GRIK1: variants seen among roughly 807,000 people sequenced by gnomAD.
The protein encoded by GRIK1 is glutamate receptor ionotropic, kainate 1.
GRIK1 carries 69 observed loss-of-function variants against 105.7 expected under a neutral mutation model. The ratio of observed to expected loss-of-function variants is 0.65; its 90% CI spans 0.54 to 0.80. The LOEUF is 0.80. Among genes scored for constraint, GRIK1 ranks in the 30% least tolerant of loss-of-function variants. The probability of loss-of-function intolerance (pLI) is 0.00; values close to 1 mark genes in which losing one functional copy is unlikely to be tolerated. For synonymous variants in GRIK1, 438 were observed against 431.3 expected (o/e 1.02, Z -0.19); for missense variants, 1,109 against 1,167.3 (o/e 0.95, Z 0.73).
chr21:29,681,951 C>A (rs2063387529), intron 3 of GRIK1, among the ~76,000 whole-genome samples: 2 of 152,190 alleles, frequency 1.3e-5, no homozygotes, highest in Admixed American at 1.3e-4. Flanking sequence ...AGCAATTTAT[C>A]CAAAGTTGGG....
At chr21:29,590,172 GTCAT>G (rs1411066963) in intron 10 of GRIK1, among the ~76,000 whole-genome samples, 7 of 152,164 alleles carry the variant, frequency 4.6e-5, no homozygotes, top group African/African-American at 1.4e-4. Context: ...TGATAATGGG[GTCAT>G]TCAAACACAG....
intron 1 of GRIK1, among the ~76,000 whole-genome samples, chr21:29,867,171 A>G (rs941353201): frequency 1.3e-5 from 2 of 152,174 alleles, no homozygotes; most frequent in African/African-American, 4.8e-5. Context: ...TAGAATTTAG[A>G]AGCATTGAAG....
chr21:29,582,016 G>C (rs1168218995), intron 12 of GRIK1, among the ~76,000 whole-genome samples: 1 of 152,170 alleles, frequency 6.6e-6, no homozygotes, highest in Non-Finnish European at 1.5e-5. Context: ...GGTTTGTATG[G>C]ACAGATGGTT....
At chr21:29,698,250 G>C (rs1468416521) in intron 1 of GRIK1, among the ~76,000 whole-genome samples, 2 of 152,032 alleles carry the variant, frequency 1.3e-5, no homozygotes, top group Non-Finnish European at 2.9e-5. Context: ...TCCTCTCTCT[G>C]TCTCTCATTT....
rs107034 is a variant in GRIK1 at position 29,894,089 on chromosome 21, C to A, written c.118+45294G>T. Among the ~76,000 whole-genome samples, 67 of 152,118 alleles carry A rather than the reference C, an allele frequency of 4.4e-4. No individual in the cohort carries two copies. In the South Asian group the frequency reaches 6.4e-3, roughly 15 times the overall value. On this transcript the variant is annotated intron_variant, in intron 1 of 17. Coordinates refer to ENST00000327783, the MANE Select transcript of GRIK1 (RefSeq NM_001330994.2). ...ATAGTGAGAGGTAGGGCTGGGTAGT[C>A]ACAAAGTGGATTGATGAAGAAGGGC...
intron 14 of GRIK1, among the ~76,000 whole-genome samples, chr21:29,573,391 A>G (rs1179327058): frequency 1.3e-5 from 2 of 152,218 alleles, no homozygotes; most frequent in Middle Eastern, 3.2e-3. Context: ...GCCAGGAAAA[A>G]GGAGAACCCG....
At chr21:29,619,123 CAAAA>C (rs35003722) in intron 7 of GRIK1, among the ~76,000 whole-genome samples, 5 of 81,676 alleles carry the variant, frequency 6.1e-5, no homozygotes, top group African/African-American at 9.1e-5. Flanking sequence ...GAGACTCCGT[CAAAA>C]AAAAAAAAAA....
intron 1 of GRIK1, among the ~76,000 whole-genome samples, chr21:29,848,693 C>T (rs553743767): frequency 2.7e-5 from 4 of 146,670 alleles, no homozygotes; most frequent in South Asian, 2.2e-4. Flanking sequence ...ATTTGCATAC[C>T]GTTTATTACA....
intron 1 of GRIK1, among the ~76,000 whole-genome samples, chr21:29,821,856 T>TA (rs1264798825): frequency 6.6e-6 from 1 of 152,078 alleles, no homozygotes; most frequent in Non-Finnish European, 1.5e-5. Context: ...ACATTTTATG[T>TA]ACTCATGACA....
At chr21:29,799,745 G>T (rs1402247306) in intron 1 of GRIK1, among the ~76,000 whole-genome samples, 1 of 152,130 alleles carries the variant, frequency 6.6e-6, no homozygotes, top group Non-Finnish European at 1.5e-5. Context: ...GGCTAGGCTG[G>T]TCTTGAACTC....
rs369898286 is a variant in GRIK1 at position 29,689,972 on chromosome 21, C to A, written c.300G>T (p.Leu100=). The A allele has an allele frequency of 2.2e-5, 35 of 1,602,362 alleles. No homozygotes were observed. Among genetic ancestry groups the A allele is most frequent in the Non-Finnish European group, 2.8e-5 (33 of 1,173,154 alleles). The change falls in exon 3 of 18, where the codon CTG becomes CTT. Residue 100 remains leucine (L), a synonymous_variant. Transcript: ENST00000327783. ...CAAAGAGAGCAGCCACACCAAGAGC[C>A]AGCTGGTCACATGCTGATGCCCAAG... ...FEASRRACDQ[L]ALGVAALFGP...
intron 1 of GRIK1, among the ~76,000 whole-genome samples, chr21:29,806,063 T>G (rs959513124): frequency 6.6e-6 from 1 of 152,146 alleles, no homozygotes; most frequent in African/African-American, 2.4e-5. Context: ...AATAATAAAA[T>G]TGTGCTGTGA....
chr21:29,712,594 T>C (rs564417290), intron 1 of GRIK1, among the ~76,000 whole-genome samples: 1 of 152,312 alleles, frequency 6.6e-6, no homozygotes, highest in South Asian at 2.1e-4. Context: ...TTGATGGCTA[T>C]TTAAATTCAT....
intron 3 of GRIK1, among the ~76,000 whole-genome samples, chr21:29,678,875 T>G (rs2063322436): frequency 6.6e-6 from 1 of 152,206 alleles, no homozygotes; most frequent in South Asian, 2.1e-4. Context: ...TGACTACTCA[T>G]GCCAAAGTGT....
At chr21:29,558,989 A>G (rs1441435733) in intron 15 of GRIK1, among the ~76,000 whole-genome samples, 3 of 152,244 alleles carry the variant, frequency 2.0e-5, no homozygotes, top group Non-Finnish European at 2.9e-5. Context: ...GATGATACAC[A>G]TTGTTATTTT....
At position 29,689,786 on chromosome 21, in the gene GRIK1, C is replaced by T; in HGVS notation, c.486G>A (p.Leu162=). 6.2e-7 allele frequency: 1 copy of T among 1,613,840 alleles called. No homozygotes were observed. The highest frequency in any genetic ancestry group is 8.5e-7 in the Non-Finnish European group (1 of 1,179,760). Residue 162 remains leucine (L), a synonymous_variant, in exon 3 of 18, where the codon CTG becomes CTA. Transcript: ENST00000327783. ...PDYAAISRAI[L]DLVLYYNWKT... is the part of the protein sequence containing the mutation. ...TCCAGTTGTAATAGAGGACCAGATCCAGGATCGCCCTGCTGATAGCTGCAT... is the reference window on the plus strand; with the variant it reads ...TCCAGTTGTAATAGAGGACCAGATCTAGGATCGCCCTGCTGATAGCTGCAT...
At chr21:29,755,310 T>C (rs1283578876) in intron 1 of GRIK1, among the ~76,000 whole-genome samples, 1 of 152,176 alleles carries the variant, frequency 6.6e-6, no homozygotes, top group East Asian at 1.9e-4. Context: ...TAAGGCAGAT[T>C]AATTGCCCTG....
At position 29,924,642 on chromosome 21, in the gene GRIK1, T is replaced by G. The variant is rs190632397; in HGVS notation, c.118+14741A>C. ...ATTTAATCTTAATGTCTCAAAAAAT[T>G]TTATTCTCCCCCGACCTTTTTTGTT... is the stretch of plus-strand genomic sequence containing the variant. On this transcript the variant is annotated intron_variant, in intron 1 of 17. Coordinates refer to ENST00000327783, the MANE Select transcript of GRIK1 (RefSeq NM_001330994.2). Among the ~76,000 whole-genome samples, 188 of 152,276 alleles carry G rather than the reference T, an allele frequency of 1.2e-3. 2 individuals carry two copies. The highest frequency in any genetic ancestry group is 2.1e-3 in the Non-Finnish European group (143 of 68,018).
intron 7 of GRIK1, among the ~76,000 whole-genome samples, chr21:29,609,863 T>C (rs1416019799): frequency 2.6e-5 from 4 of 152,126 alleles, no homozygotes; most frequent in African/African-American, 9.7e-5. Context: ...TCATATTCCC[T>C]CTCTCTTTCT....
Sources: gnomAD v4.1 joint callset for allele counts (sites outside exome capture counted in the v4.1 genomes callset) on GRCh38, gnomAD v4.1.1 for gene constraint, MANE v1.5 for transcripts, NCBI Gene and HGNC (gene_info 2026-07-23, HGNC 2026-07-21) for gene names.